Variants in SLC17A5 observed in about 807,000 individuals in gnomAD.
SLC17A5 encodes the protein sialin.
In SLC17A5, 47 loss-of-function variants were observed where a neutral mutation model predicts 59.4. That is an observed-to-expected ratio of 0.79 (90% confidence interval 0.63 to 1.01). The LOEUF (loss-of-function observed/expected upper bound fraction) is 1.01. SLC17A5 is among the 50% of genes least tolerant of loss of function. The pLI, the probability that SLC17A5 is intolerant of heterozygous loss-of-function variation, is 0.00. For missense variants in SLC17A5, 522 were observed against 595.5 expected, an observed-to-expected ratio of 0.88 and a Z score of 1.28; for synonymous variants, 202 against 210.7, an observed-to-expected ratio of 0.96 and a Z score of 0.36.
In SLC17A5 at chr6:73,630,245, C is replaced by G. The variant is rs563317207; in HGVS notation, c.819+5137G>C. On this transcript the variant is annotated intron_variant, in intron 6 of 10. Coordinates refer to ENST00000355773, the MANE Select transcript of SLC17A5 (RefSeq NM_012434.5). ...TGACCTCATGATCCGCCTGCCTTGG[C>G]CTCCCAAAGTGCTGGGATTACAGGT... is the stretch of plus-strand genomic sequence containing the variant. 1.7e-3 allele frequency among the ~76,000 whole-genome samples: 256 copies of G among 152,268 alleles called. 1 individual carries two copies. Among genetic ancestry groups the G allele is most frequent in the Non-Finnish European group, 2.1e-3 (140 of 68,010 alleles).
Position 73,610,499 on chromosome 6 carries a change from C to G in SLC17A5, c.1160G>C (p.Cys387Ser), listed in dbSNP as rs373162864. 1.2e-6 allele frequency: 2 copies of G among 1,614,040 alleles called. No individual in the cohort carries two copies. Among genetic ancestry groups the G allele is most frequent in the Admixed American group, 1.7e-5 (1 of 59,982 alleles). ...VFLVAAGFIGCDYSLAVAFLT... is the reference protein window; with the variant it reads ...VFLVAAGFIGSDYSLAVAFLT... Reference sequence around the variant, plus strand: ...GAAAGCAACGGCCAAAGAATAATCACAGCCAATGAAGCCAGCAGCTACCAG... The same window carrying G: ...GAAAGCAACGGCCAAAGAATAATCAGAGCCAATGAAGCCAGCAGCTACCAG... The change falls in exon 9 of 11, where the codon TGT becomes TCT. Residue 387 changes from cysteine (C) to serine (S), a missense_variant. Cys to Ser is a moderately radical substitution (Grantham distance 112, BLOSUM62 -1). Coordinates refer to ENST00000355773, the MANE Select transcript of SLC17A5 (RefSeq NM_012434.5).
chr6:73,601,968 A>G (rs1028722266), intron 9 of SLC17A5, among the ~76,000 whole-genome samples: 1 of 152,048 alleles, frequency 6.6e-6, no homozygotes, highest in African/African-American at 2.4e-5. Flanking sequence ...ACGGGCTGGG[A>G]TGACAATGGC....
intron 5 of SLC17A5, among the ~76,000 whole-genome samples, chr6:73,635,810 G>A (rs1768966113): frequency 1.3e-5 from 2 of 150,560 alleles, no homozygotes; most frequent in East Asian, 2.0e-4. Flanking sequence ...ACGTGATCTC[G>A]GCTCACTGCA....
intron 9 of SLC17A5, among the ~76,000 whole-genome samples, chr6:73,602,057 A>T (rs9341427): frequency 6.6e-6 from 1 of 151,924 alleles, no homozygotes; most frequent in Non-Finnish European, 1.5e-5. Flanking sequence ...TGTAGAAAGA[A>T]GTAGACATGG....
At position 73,594,958 on chromosome 6, in the gene SLC17A5, A is replaced by C. The variant is rs1766726418; in HGVS notation, c.*119T>G. 9.0e-7 allele frequency: 1 copy of C among 1,106,732 alleles called. No individual in the cohort carries two copies. Among genetic ancestry groups the C allele is most frequent in the Non-Finnish European group, 1.4e-6 (1 of 734,850 alleles). 68.6% of individuals were successfully genotyped at this position (1,106,732 alleles called of 1,614,324 possible). On this transcript the variant is annotated 3_prime_UTR_variant, in exon 11 of 11. Coordinates refer to ENST00000355773, the MANE Select transcript of SLC17A5 (RefSeq NM_012434.5). Reference sequence around the variant, plus strand: ...ATATTTCATGATTATAGGCCTTAAAAATCTAATACAAGTACAATTAAAAAA... The same window carrying C: ...ATATTTCATGATTATAGGCCTTAAACATCTAATACAAGTACAATTAAAAAA...
chr6:73,618,554 C>G (rs1306874693), intron 7 of SLC17A5: 4 of 526,190 alleles, frequency 7.6e-6, no homozygotes, highest in Non-Finnish European at 1.4e-5. Context: ...GGAGGAAAAG[C>G]AAGGCTTATG....
chr6:73,644,339 C>T, intron 2 of SLC17A5, 68 bp downstream of exon 2: 2 of 1,261,566 alleles, frequency 1.6e-6, no homozygotes, highest in Non-Finnish European at 2.3e-6. Context: ...GAAAAAAGAC[C>T]TTTTAATATT....
chr6:73,611,239 C>T (rs1767626266), intron 8 of SLC17A5, among the ~76,000 whole-genome samples: 1 of 152,104 alleles, frequency 6.6e-6, no homozygotes, highest in Admixed American at 6.6e-5. Flanking sequence ...CAGAGCAAGA[C>T]CTTGTTTCTT....
chr6:73,634,755 T>C (rs1236922329), intron 6 of SLC17A5, among the ~76,000 whole-genome samples: 1 of 152,194 alleles, frequency 6.6e-6, no homozygotes, highest in African/African-American at 2.4e-5. Context: ...CCAATGAGCA[T>C]TTCCTTTGAG....
At chr6:73,653,464 A>G in intron 1 of SLC17A5, 1 of 984,904 alleles carries the variant, frequency 1.0e-6, no homozygotes, top group Non-Finnish European at 1.2e-6. Flanking sequence ...ACTACCCAAA[A>G]TAACCACCAG....
intron 6 of SLC17A5, among the ~76,000 whole-genome samples, chr6:73,627,922 CTT>C (rs10672268): frequency 3.1e-4 from 44 of 140,746 alleles, no homozygotes; most frequent in Non-Finnish European, 3.7e-4. Flanking sequence ...GTGCCTGCCA[CTT>C]TTTTTTTTTT....
chr6:73,625,898 C>G (rs584078), intron 6 of SLC17A5, among the ~76,000 whole-genome samples: 24,869 of 152,142 alleles, frequency 0.16, 3,145 homozygotes, highest in African/African-American at 0.35. Flanking sequence ...AAGTTTGGGA[C>G]CCACTGCTGT....
At chr6:73,608,593 A>C (rs910408946) in intron 9 of SLC17A5, among the ~76,000 whole-genome samples, 3 of 152,224 alleles carry the variant, frequency 2.0e-5, no homozygotes, top group East Asian at 1.9e-4. Context: ...TGTTTAGCCC[A>C]GTTTAAATTA....
chr6:73,608,837 G>A (rs1297032883), intron 9 of SLC17A5, among the ~76,000 whole-genome samples: 1 of 152,144 alleles, frequency 6.6e-6, no homozygotes, highest in Non-Finnish European at 1.5e-5. Flanking sequence ...GCAAGATAGG[G>A]AGACCCCATC....
At position 73,616,546 on chromosome 6, in the gene SLC17A5, T is replaced by TACACAC. The variant is rs56306141; in HGVS notation, c.979-1105_979-1100dup. Among the ~76,000 whole-genome samples the TACACAC allele has an allele frequency of 7.2e-3, 904 of 126,318 alleles. 7 individuals carry two copies. The highest frequency in any genetic ancestry group is 0.023 in the African/African-American group (684 of 29,404). 82.9% of individuals were successfully genotyped at this position (126,318 alleles called of 152,430 possible). On this transcript the variant is annotated intron_variant, in intron 7 of 10. Coordinates refer to ENST00000355773, the MANE Select transcript of SLC17A5 (RefSeq NM_012434.5). ...AAAAGTGCATTACATGTTTATTTAC[T>TACACAC]ACACACACACACACACACACACACA...
rs1164259750 is a variant in SLC17A5 at position 73,622,196 on chromosome 6, G to A, written c.820-234C>T. ...AGAAAGTCCATGATTCAGATTAGAG[G>A]AAAAAGTAAAAATGTATTCGTAGAG... On this transcript the variant is annotated intron_variant, in intron 6 of 10. Coordinates refer to ENST00000355773, the MANE Select transcript of SLC17A5 (RefSeq NM_012434.5). Among the ~76,000 whole-genome samples the A allele has an allele frequency of 2.6e-5, 4 of 151,768 alleles. No individual in the cohort carries two copies. In the East Asian group the frequency reaches 7.7e-4, roughly 29 times the overall value.
At chr6:73,649,365 A>G (rs944678431) in intron 1 of SLC17A5, among the ~76,000 whole-genome samples, 1 of 152,198 alleles carries the variant, frequency 6.6e-6, no homozygotes, top group African/African-American at 2.4e-5. Flanking sequence ...CACTTTGGGA[A>G]GCTGAGATGG....
At chr6:73,645,818 C>T (rs1490348370) in intron 1 of SLC17A5, among the ~76,000 whole-genome samples, 3 of 147,672 alleles carry the variant, frequency 2.0e-5, no homozygotes, top group African/African-American at 7.5e-5. Context: ...AAAAAGAATG[C>T]AGAGTAGGTT....
At position 73,653,762 on chromosome 6, in the gene SLC17A5, C is replaced by G. The variant is rs375009332; in HGVS notation, c.94+31G>C. 9.3e-5 allele frequency: 144 copies of G among 1,548,292 alleles called. No homozygotes were observed. The African/African-American group carries it at 1.3e-3, about 14-fold the overall frequency. The stretch of plus-strand genomic sequence containing the variant: ...CCGCCGCCCCCGGTACCGCTGCCCA[C>G]TCGAAGCCCCTGGACGACCCCGCCG... On this transcript the variant is annotated intron_variant, in intron 1 of 10. Transcript: ENST00000355773.
Sources: gnomAD v4.1 joint callset for allele counts (sites outside exome capture counted in the v4.1 genomes callset) on GRCh38, gnomAD v4.1.1 for gene constraint, MANE v1.5 for transcripts, NCBI Gene and HGNC (gene_info 2026-07-23, HGNC 2026-07-21) for gene names.